LVRN: variants seen among roughly 807,000 people sequenced by gnomAD.
LVRN encodes aminopeptidase Q.
LVRN carries 99 observed loss-of-function variants against 111.4 expected under a neutral mutation model. The ratio of observed to expected loss-of-function variants is 0.89; its 90% CI spans 0.76 to 1.05. The LOEUF is 1.05. Ranked by LOEUF, LVRN falls within the 50% of genes least tolerant of loss-of-function variation. LVRN has a pLI of 0.00. For synonymous variants in LVRN, 488 were observed against 449.5 expected, an observed-to-expected ratio of 1.09 and a Z score of -1.08; for missense variants, 1,414 against 1,206.8, an observed-to-expected ratio of 1.17 and a Z score of -2.54.
At chr5:116,007,993 A>C (rs1748412947) in intron 13 of LVRN, among the ~76,000 whole-genome samples, 2 of 152,172 alleles carry the variant, frequency 1.3e-5, no homozygotes, top group African/African-American at 4.8e-5. Flanking sequence ...CTGGCCAGCC[A>C]TTCCTCCATC....
At chr5:116,009,625 C>T (rs980984131) in intron 13 of LVRN, among the ~76,000 whole-genome samples, 2 of 152,098 alleles carry the variant, frequency 1.3e-5, no homozygotes, top group African/African-American at 4.8e-5. Flanking sequence ...TTTCAATCCT[C>T]ATTGGTGACT....
chr5:116,010,497 G>C (rs1371335702), intron 13 of LVRN: 2 of 553,614 alleles, frequency 3.6e-6, no homozygotes, highest in Non-Finnish European at 6.9e-6. Flanking sequence ...TCCAACATTT[G>C]GCCTGAATTT....
chr5:115,984,459 T>G, intron 2 of LVRN, 111 bp from the exon 3 acceptor site: 1 of 1,311,762 alleles, frequency 7.6e-7, no homozygotes, highest in Non-Finnish European at 1.0e-6. Flanking sequence ...TGCTAGACTA[T>G]GAGGAATAGC....
chr5:116,001,038 C>CCTG, intron 9 of LVRN, 29 bp from the exon 10 acceptor site: 12 of 1,568,772 alleles, frequency 7.6e-6, no homozygotes, highest in Non-Finnish European at 1.0e-5. Flanking sequence ...GATAACCTTA[C>CCTG]CTGCCTTTGT....
intron 16 of LVRN, 128 bp from the exon 17 acceptor site, chr5:116,015,124 T>C: frequency 1.6e-6 from 1 of 639,330 alleles, no homozygotes; most frequent in Non-Finnish European, 2.3e-6. Flanking sequence ...ATTGCCTCTC[T>C]AGATTCCTAC....
chr5:115,972,078 T>A (rs1753339199), intron 1 of LVRN, among the ~76,000 whole-genome samples: 1 of 152,112 alleles, frequency 6.6e-6, no homozygotes, highest in African/African-American at 2.4e-5. Context: ...TCAAGTATTT[T>A]TATGAATTCA....
chr5:116,006,698 A>T (rs1748382667), intron 13 of LVRN, among the ~76,000 whole-genome samples: 1 of 152,140 alleles, frequency 6.6e-6, no homozygotes, highest in African/African-American at 2.4e-5. Context: ...TTGATAACTC[A>T]TTCACTCTAG....
chr5:116,009,575 A>T (rs1344069334), intron 13 of LVRN, among the ~76,000 whole-genome samples: 2 of 152,190 alleles, frequency 1.3e-5, no homozygotes, highest in African/African-American at 2.4e-5. Context: ...GCATGAAAGG[A>T]GGTAAAAAAA....
At chr5:115,998,829 C>G (rs964427254) in intron 6 of LVRN, among the ~76,000 whole-genome samples, 14 of 152,196 alleles carry the variant, frequency 9.2e-5, no homozygotes, top group Non-Finnish European at 1.9e-4. Flanking sequence ...TAGGCTTTCT[C>G]ATTTCCGGAA....
intron 5 of LVRN, 70 bp downstream of exon 5, chr5:115,992,347 A>G (rs1748015405): frequency 6.5e-7 from 1 of 1,542,274 alleles, no homozygotes; most frequent in Admixed American, 1.7e-5. Context: ...AATAGCATAA[A>G]AACCCCAGTA....
At position 115,962,923 on chromosome 5, in the gene LVRN, C is replaced by A. The variant is rs529503664; in HGVS notation, c.306C>A (p.Leu102=). 1.2e-6 allele frequency: 2 copies of A among 1,612,954 alleles called. No homozygotes were observed. The highest frequency in any genetic ancestry group is 2.2e-5 in the East Asian group (1 of 44,850). The change falls in exon 1 of 20, where the codon CTC becomes CTA. Residue 102 remains leucine (L), a synonymous_variant. Coordinates refer to ENST00000357872, the MANE Select transcript of LVRN (RefSeq NM_173800.5). ...PWDQLRLPPW[L]VPLHYDLELW... ...ACCAGCTACGCCTGCCGCCCTGGCT[C>A]GTGCCGCTGCACTACGATCTGGAGC...
chr5:115,987,555 G>A (rs1041397754), intron 3 of LVRN, among the ~76,000 whole-genome samples: 3 of 152,236 alleles, frequency 2.0e-5, no homozygotes, highest in African/African-American at 7.2e-5. Context: ...CATTCCAGGG[G>A]TTGTTTTATG....
chr5:115,984,526 T>C (rs1364075656), intron 2 of LVRN, 44 bp from the exon 3 acceptor site: 2 of 1,601,444 alleles, frequency 1.2e-6, no homozygotes, highest in Non-Finnish European at 1.7e-6. Context: ...AGACATGTAA[T>C]TGCTTAGATT....
rs1175128256 is a variant in LVRN, at chr5:116,013,532, C to T, written c.2343-888C>T. ...CCACAGAACTCCAGCTTGTTGCTAC[C>T]GGCTTGAGATTGGGATGGGTGAGGA... On this transcript the variant is annotated intron_variant, in intron 15 of 19. Transcript: ENST00000357872. Among the ~76,000 whole-genome samples, 4 of 152,018 alleles carry T rather than the reference C, an allele frequency of 2.6e-5. No individual in the cohort carries two copies. In the South Asian group the frequency reaches 6.2e-4, roughly 24 times the overall value.
At chr5:116,021,576 A>G (rs1748730459) in intron 18 of LVRN, 1 of 307,590 alleles carries the variant, frequency 3.3e-6, no homozygotes, top group Admixed American at 4.5e-5. Flanking sequence ...GCCAGAGTTA[A>G]CTCTTATCAT....
chr5:116,015,668 A>C lies in LVRN; in HGVS notation c.2659A>C (p.Asn887His). ...YAISTSPFTS[N>H]ETNIIEVVAS... ...CATCAGCACATCTCCATTCACTTCT[A>C]ATGAAACAAATATAATTGAGGTTGT... is the stretch of plus-strand genomic sequence containing the variant. Residue 887 changes from asparagine to histidine, a missense_variant, in exon 18 of 20, where the codon AAT becomes CAT. Transcript: ENST00000357872. The C allele has an allele frequency of 6.2e-7, 1 of 1,613,486 alleles. No individual in the cohort carries two copies.
At chr5:115,989,596 A>G (rs1011886625) in intron 4 of LVRN, among the ~76,000 whole-genome samples, 1 of 152,156 alleles carries the variant, frequency 6.6e-6, no homozygotes, top group East Asian at 1.9e-4. Flanking sequence ...TCTAGAACCT[A>G]TGGCAGTCAG....
rs760570873 is a variant in LVRN, at chr5:115,962,628, C to A, written c.11C>A (p.Pro4His). 16 of 1,596,976 alleles carry A rather than the reference C, an allele frequency of 1.0e-5. No individual in the cohort carries two copies. The East Asian group carries it at 3.6e-4, about 36-fold the overall frequency. The change falls in exon 1 of 20, where the codon CCT becomes CAT. Residue 4 changes from proline (P) to histidine (H), a missense_variant. Transcript: ENST00000357872. The stretch of plus-strand genomic sequence containing the variant: ...AACCCGGTCCCTGCCATGGGGCCCC[C>A]TTCCAGCTCAGGCTTCTATGTGAGC... Reference protein sequence around the residue: MGPPSSSGFYVSRA... With the variant: MGPHSSSGFYVSRA...
At chr5:115,994,698 A>G (rs1748068402) in intron 6 of LVRN, among the ~76,000 whole-genome samples, 1 of 152,240 alleles carries the variant, frequency 6.6e-6, no homozygotes, top group South Asian at 2.1e-4. Context: ...AATAATATTG[A>G]AAGATAAATA....
Sources: gnomAD v4.1 joint callset for allele counts (sites outside exome capture counted in the v4.1 genomes callset) on GRCh38, gnomAD v4.1.1 for gene constraint, MANE v1.5 for transcripts, NCBI Gene and HGNC (gene_info 2026-07-23, HGNC 2026-07-21) for gene names.